Variants in NR6A1 observed in about 807,000 individuals in gnomAD.
The protein encoded by NR6A1 is retinoic acid receptor-related testis-associated receptor.
A neutral mutation model predicts 59.1 loss-of-function variants in NR6A1; 7 were observed. The ratio of observed to expected loss-of-function variants is 0.12; its 90% confidence interval spans 0.07 to 0.22. The LOEUF (loss-of-function observed/expected upper bound fraction) is 0.22. Among genes scored for constraint, NR6A1 ranks in the 10% least tolerant of loss-of-function variants. NR6A1 has a pLI of 1.00. For missense variants in NR6A1, 468 were observed against 611.6 expected (o/e 0.77, Z 2.48); for synonymous variants, 243 against 236.1 (o/e 1.03, Z -0.27).
At chr9:124,730,837 T>G (rs565757346) in intron 2 of NR6A1, among the ~76,000 whole-genome samples, 1 of 152,314 alleles carries the variant, frequency 6.6e-6, no homozygotes, top group East Asian at 1.9e-4. Flanking sequence ...TACTAAATGC[T>G]AAACTAGAGG....
chr9:124,529,220 AC>A (rs1169924245), intron 7 of NR6A1, among the ~76,000 whole-genome samples: 1 of 152,054 alleles, frequency 6.6e-6, no homozygotes, highest in African/African-American at 2.4e-5. Context: ...CGTTTCTACC[AC>A]TCTACCATTT....
intron 2 of NR6A1, among the ~76,000 whole-genome samples, chr9:124,615,026 CAAAT>C (rs1835848671): frequency 1.3e-5 from 2 of 152,170 alleles, no homozygotes; most frequent in African/African-American, 4.8e-5. Flanking sequence ...ACTTTTCACA[CAAAT>C]AAGATAGTTG....
At chr9:124,716,130 A>AG (rs1275131691) in intron 2 of NR6A1, among the ~76,000 whole-genome samples, 2 of 152,126 alleles carry the variant, frequency 1.3e-5, no homozygotes, top group East Asian at 3.9e-4. Flanking sequence ...CTTGGGCCCC[A>AG]GGAAGAGGAG....
intron 1 of NR6A1, among the ~76,000 whole-genome samples, chr9:124,765,442 T>C (rs1241750704): frequency 1.3e-5 from 2 of 152,252 alleles, no homozygotes; most frequent in East Asian, 1.9e-4. Flanking sequence ...AGTTTGCTTC[T>C]GTCAAGATAA....
intron 1 of NR6A1, 65 bp from the exon 2 acceptor site, chr9:124,733,414 T>C (rs1362041611): frequency 1.6e-6 from 2 of 1,213,506 alleles, no homozygotes; most frequent in Non-Finnish European, 2.4e-6. Context: ...ACTCCAAATA[T>C]GAAGTATCAT....
intron 2 of NR6A1, among the ~76,000 whole-genome samples, chr9:124,621,531 G>A (rs930690355): frequency 2.6e-5 from 4 of 151,520 alleles, no homozygotes; most frequent in African/African-American, 7.3e-5. Context: ...GTGCAAGCCT[G>A]CAGTCCCAGT....
At chr9:124,553,520 T>C (rs1331603769) in intron 3 of NR6A1, among the ~76,000 whole-genome samples, 1 of 148,832 alleles carries the variant, frequency 6.7e-6, no homozygotes, top group Non-Finnish European at 1.5e-5. Flanking sequence ...GAGGGTCCTA[T>C]AGAGAAATCA....
At chr9:124,684,990 CAA>C (rs200480892) in intron 2 of NR6A1, among the ~76,000 whole-genome samples, 1 of 133,580 alleles carries the variant, frequency 7.5e-6, no homozygotes. Flanking sequence ...GAAACTTCTG[CAA>C]AAAAAAAAAA....
chr9:124,566,949 A>G (rs1279495300), intron 2 of NR6A1, among the ~76,000 whole-genome samples: 1 of 151,980 alleles, frequency 6.6e-6, no homozygotes, highest in Non-Finnish European at 1.5e-5. Context: ...TCTACTAAAA[A>G]TACAAAAAAT....
At chr9:124,738,473 T>C (rs1248874876) in intron 1 of NR6A1, among the ~76,000 whole-genome samples, 1 of 152,178 alleles carries the variant, frequency 6.6e-6, no homozygotes, top group Non-Finnish European at 1.5e-5. Context: ...GTTCCTAAGA[T>C]GATATCACCA....
At chr9:124,547,310 T>C (rs1833628094) in intron 3 of NR6A1, among the ~76,000 whole-genome samples, 1 of 152,206 alleles carries the variant, frequency 6.6e-6, no homozygotes, top group African/African-American at 2.4e-5. Flanking sequence ...ACTCAAAACC[T>C]GTCGGTGGTG....
chr9:124,715,372 A>G (rs1028112890), intron 2 of NR6A1, among the ~76,000 whole-genome samples: 3 of 151,696 alleles, frequency 2.0e-5, no homozygotes, highest in South Asian at 2.1e-4. Context: ...AAATATATAT[A>G]TATTTTTAGA....
intron 2 of NR6A1, among the ~76,000 whole-genome samples, chr9:124,647,703 G>C (rs1836973074): frequency 6.8e-6 from 1 of 147,374 alleles, no homozygotes; most frequent in Non-Finnish European, 1.5e-5. Context: ...CTCCAGCCTG[G>C]GCAACAGAGT....
At chr9:124,556,280 A>G (rs567159180) in intron 2 of NR6A1, among the ~76,000 whole-genome samples, 46 of 152,166 alleles carry the variant, frequency 3.0e-4, no homozygotes, top group Non-Finnish European at 4.7e-4. Context: ...ATAGTAGAGA[A>G]GAAGAAACAC....
At chr9:124,548,539 A>G (rs1024320862) in intron 3 of NR6A1, among the ~76,000 whole-genome samples, 4 of 149,484 alleles carry the variant, frequency 2.7e-5, no homozygotes, top group African/African-American at 1.0e-4. Flanking sequence ...TAAGAAATGT[A>G]AAAAAAATGT....
intron 2 of NR6A1, among the ~76,000 whole-genome samples, chr9:124,649,143 C>T (rs1721332782): frequency 1.3e-5 from 2 of 150,140 alleles, no homozygotes; most frequent in Admixed American, 6.7e-5. Context: ...CCAAAGCAAT[C>T]CTGAACTAAA....
intron 2 of NR6A1, among the ~76,000 whole-genome samples, chr9:124,585,427 C>T (rs1486974986): frequency 6.6e-6 from 1 of 151,790 alleles, no homozygotes; most frequent in Non-Finnish European, 1.5e-5. Context: ...ACCTGTAGTC[C>T]CAGCTACTCG....
intron 1 of NR6A1, among the ~76,000 whole-genome samples, chr9:124,768,292 A>G (rs1840995799): frequency 6.6e-6 from 1 of 152,348 alleles, no homozygotes. Context: ...TAAAAAACAG[A>G]TAATTCATTT....
intron 2 of NR6A1, among the ~76,000 whole-genome samples, chr9:124,627,198 C>G (rs6478674): frequency 1 from 151,878 of 152,304 alleles, 75,730 homozygotes; most frequent in Middle Eastern, 1. Context: ...TGAGCTCTGA[C>G]AGATGTTTTG....
Sources: allele counts gnomAD v4.1 joint callset (sites outside exome capture counted in the v4.1 genomes callset), GRCh38; gene constraint gnomAD v4.1.1; transcripts MANE v1.5; gene names NCBI Gene and HGNC (gene_info 2026-07-23, HGNC 2026-07-21).